Variants in PAK1 observed in about 807,000 individuals in gnomAD.
PAK1 encodes the protein serine/threonine-protein kinase PAK 1.
Under a neutral mutation model 67.4 loss-of-function variants are expected in PAK1, and 29 were observed. The ratio of observed to expected loss-of-function variants is 0.43; its 90% CI spans 0.32 to 0.59. PAK1 has a LOEUF of 0.59. Among genes scored for constraint, PAK1 ranks in the 20% least tolerant of loss-of-function variants. The pLI, the probability that PAK1 is intolerant of heterozygous loss-of-function variation, is 0.07. For missense variants in PAK1, 337 were observed against 670.7 expected, an observed-to-expected ratio of 0.50 and a Z score of 5.50; for synonymous variants, 223 against 237.4, an observed-to-expected ratio of 0.94 and a Z score of 0.56.
rs1938643932 is a variant in PAK1, at chr11:77,322,370, G to A, written c.*904C>T. 5.1e-6 allele frequency: 1 copy of A among 195,952 alleles called. No homozygotes were observed. Among genetic ancestry groups the A allele is most frequent in the Non-Finnish European group, 1.1e-5 (1 of 94,288 alleles). The allele number at this position is 195,952 out of a possible 1,614,324, so 12.1% of individuals were successfully genotyped here. A position where few individuals can be genotyped will look rare whatever the true frequency, so the allele number is the denominator to read the frequency against. On this transcript the variant is annotated 3_prime_UTR_variant, in exon 15 of 15. Coordinates refer to ENST00000356341, the MANE Select transcript of PAK1 (RefSeq NM_002576.5). ...GACCAAAAGATTTGGACCATTAGAA[G>A]ATCCAAGTTAATCTTTCAGCTCCTT... is the stretch of plus-strand genomic sequence containing the variant.
chr11:77,365,196 G>A (rs1947336351), intron 5 of PAK1, among the ~76,000 whole-genome samples: 1 of 144,558 alleles, frequency 6.9e-6, no homozygotes, highest in Admixed American at 7.2e-5. Flanking sequence ...AGGTTGCAGT[G>A]AGCTGAGATT....
chr11:77,498,804 A>T, the PAK1 span, among the ~76,000 whole-genome samples: 1 of 142,860 alleles, frequency 7.0e-6, no homozygotes, highest in Non-Finnish European at 1.5e-5. Flanking sequence ...ATGTTCAAGC[A>T]TTTCTCCTGC....
intron 5 of PAK1, among the ~76,000 whole-genome samples, chr11:77,364,022 G>A (rs2136702288): frequency 6.6e-6 from 1 of 152,350 alleles, no homozygotes; most frequent in South Asian, 2.1e-4. Flanking sequence ...AGGCCCAGTG[G>A]CACTGTCATT....
intron 1 of PAK1, among the ~76,000 whole-genome samples, chr11:77,435,877 G>C (rs1956108534): frequency 6.6e-6 from 1 of 152,008 alleles, no homozygotes; most frequent in South Asian, 2.1e-4. Context: ...AAATGGAAGA[G>C]GACATTTTCC....
chr11:77,446,084 T>C (rs1030157282), intron 1 of PAK1, among the ~76,000 whole-genome samples: 4 of 152,244 alleles, frequency 2.6e-5, no homozygotes, highest in African/African-American at 9.6e-5. Context: ...AAGTGAATCT[T>C]AGTCATCTTT....
intron 1 of PAK1, among the ~76,000 whole-genome samples, chr11:77,428,257 C>A (rs1955659369): frequency 6.6e-6 from 1 of 152,012 alleles, no homozygotes; most frequent in African/African-American, 2.4e-5. Context: ...AGTTAGGAGG[C>A]TTTGTGTTAT....
chr11:77,471,040 A>C (rs1025880513), intron 1 of PAK1, among the ~76,000 whole-genome samples: 1 of 152,216 alleles, frequency 6.6e-6, no homozygotes, highest in Non-Finnish European at 1.5e-5. Flanking sequence ...CGCAGCTGGC[A>C]ATACATAGAA....
At chr11:77,461,152 C>T (rs1472692825) in intron 1 of PAK1, among the ~76,000 whole-genome samples, 1 of 152,110 alleles carries the variant, frequency 6.6e-6, no homozygotes, top group Non-Finnish European at 1.5e-5. Context: ...GAAATTTATT[C>T]TAAAGAAGTA....
chr11:77,406,878 T>C (rs1455492495), intron 1 of PAK1, among the ~76,000 whole-genome samples: 2 of 152,168 alleles, frequency 1.3e-5, no homozygotes, highest in African/African-American at 4.8e-5. Flanking sequence ...GAAAGGCAGA[T>C]ACATTAACCA....
chr11:77,329,839 AAAT>A (rs1941025930), intron 14 of PAK1, among the ~76,000 whole-genome samples: 2 of 152,234 alleles, frequency 1.3e-5, no homozygotes, highest in African/African-American at 4.8e-5. Flanking sequence ...AAAAGAAGTC[AAAT>A]TGTCCCTGTT....
chr11:77,374,239 C>T (rs377727350), intron 5 of PAK1, 89 bp downstream of exon 5: 4 of 793,146 alleles, frequency 5.0e-6, no homozygotes, highest in African/African-American at 3.5e-5. Flanking sequence ...AATATGAGTG[C>T]CTCCCAGCTC....
intron 4 of PAK1, among the ~76,000 whole-genome samples, chr11:77,377,710 T>C (rs953059004): frequency 2.0e-5 from 3 of 152,226 alleles, no homozygotes; most frequent in African/African-American, 7.2e-5. Context: ...CACTAGCACA[T>C]ATTTACATAC....
At chr11:77,407,004 A>G (rs1317132404) in intron 1 of PAK1, among the ~76,000 whole-genome samples, 2 of 152,226 alleles carry the variant, frequency 1.3e-5, no homozygotes, top group Admixed American at 6.5e-5. Flanking sequence ...GACTTGTAGA[A>G]TAAGTATAGC....
intron 14 of PAK1, chr11:77,325,209 A>G: frequency 8.5e-7 from 1 of 1,181,804 alleles, no homozygotes. Context: ...TAAACAAAAC[A>G]GACTAGATGA....
Position 77,337,536 on chromosome 11 carries a change from C to T in PAK1, c.1117-113G>A, listed in dbSNP as rs1194529115. 4 of 518,320 alleles carry T rather than the reference C, an allele frequency of 7.7e-6. No individual in the cohort carries two copies. In the African/African-American group the frequency reaches 7.8e-5, roughly 10 times the overall value. The allele number at this position is 518,320 out of a possible 1,614,324, so 32.1% of individuals were successfully genotyped here. On this transcript the variant is annotated intron_variant, in intron 11 of 14. Coordinates refer to ENST00000356341, the MANE Select transcript of PAK1 (RefSeq NM_002576.5). ...TCACTTTAAAATAAAGGAAGTAAGG[C>T]CCCAGTGAGTAAAAGGACTTGCCCC...
chr11:77,339,964 G>A (rs189739084), intron 11 of PAK1, among the ~76,000 whole-genome samples: 3 of 152,100 alleles, frequency 2.0e-5, no homozygotes, highest in Admixed American at 2.0e-4. Context: ...TTGCTCTAAT[G>A]GAAATGAAAT....
the PAK1 span, among the ~76,000 whole-genome samples, chr11:77,487,583 G>A: frequency 6.6e-6 from 1 of 152,018 alleles, no homozygotes; most frequent in Admixed American, 6.5e-5. Context: ...GAGAGTCCCA[G>A]GCCCAGCAGC....
chr11:77,504,871 C>T, the PAK1 span, among the ~76,000 whole-genome samples: 2 of 152,184 alleles, frequency 1.3e-5, no homozygotes, highest in Non-Finnish European at 2.9e-5. Flanking sequence ...AAGTATTCTA[C>T]AGACATTACT....
At chr11:77,521,490 T>C in the PAK1 span, among the ~76,000 whole-genome samples, 1 of 151,682 alleles carries the variant, frequency 6.6e-6, no homozygotes, top group African/African-American at 2.4e-5. Context: ...GATCGTGCCA[T>C]TGCACTCCAG....
Sources: allele counts gnomAD v4.1 joint callset (sites outside exome capture counted in the v4.1 genomes callset), GRCh38; gene constraint gnomAD v4.1.1; transcripts MANE v1.5; gene names NCBI Gene and HGNC (gene_info 2026-07-23, HGNC 2026-07-21).